ARRDC5: variants seen among roughly 807,000 people sequenced by gnomAD.
ARRDC5 encodes the protein arrestin domain-containing protein 5.
A neutral mutation model predicts 13.3 loss-of-function variants in ARRDC5; 12 were observed. The ratio of observed to expected loss-of-function variants is 0.90; its 90% confidence interval spans 0.58 to 1.46. The LOEUF (loss-of-function observed/expected upper bound fraction) is 1.46. ARRDC5 is among the 40% of genes most tolerant of loss of function. The probability of loss-of-function intolerance (pLI) is 0.00; values close to 1 mark genes in which losing one functional copy is unlikely to be tolerated. For missense variants in ARRDC5, 406 were observed against 418.7 expected, an observed-to-expected ratio of 0.97 and a Z score of 0.26; for synonymous variants, 181 against 173.4, an observed-to-expected ratio of 1.04 and a Z score of -0.34.
rs575777769 is a variant in ARRDC5 at position 4,894,510 on chromosome 19, CAAAAAAAAAA to C, written c.459+2151_459+2160del. Among the ~76,000 whole-genome samples, 12 of 27,230 alleles carry C rather than the reference CAAAAAAAAAA, an allele frequency of 4.4e-4. No homozygotes were observed. In the East Asian group the frequency reaches 5.9e-3, roughly 13 times the overall value. The allele number at this position is 27,230 out of a possible 152,430, so 17.9% of individuals were successfully genotyped here. ...TGGGCGACAGAGCGAGACTCCGTCT[CAAAAAAAAAA>C]AAAAAAAAAAAAAATTAGCCGGGCA... On this transcript the variant is annotated intron_variant, in intron 2 of 2. Coordinates refer to ENST00000650722, the MANE Select transcript of ARRDC5 (RefSeq NM_001080523.3).
At chr19:4,916,527 C>A in the ARRDC5 span, among the ~76,000 whole-genome samples, 2 of 152,144 alleles carry the variant, frequency 1.3e-5, no homozygotes, top group Admixed American at 6.6e-5. Flanking sequence ...CCCCGAAGTG[C>A]CGCTCTAGGG....
intron 1 of ARRDC5, among the ~76,000 whole-genome samples, 164 bp downstream of exon 1, chr19:4,902,409 G>A (rs1294447517): frequency 1.3e-5 from 2 of 152,138 alleles, no homozygotes; most frequent in Non-Finnish European, 2.9e-5. Context: ...TGCGTTTTGT[G>A]TATCTGATGG....
At chr19:4,911,935 G>A in the ARRDC5 span, among the ~76,000 whole-genome samples, 7 of 152,190 alleles carry the variant, frequency 4.6e-5, no homozygotes, top group Non-Finnish European at 1.0e-4. Flanking sequence ...CTGTGTTGTT[G>A]TTGGATTTTG....
At chr19:4,911,599 G>T in the ARRDC5 span, among the ~76,000 whole-genome samples, 2 of 152,178 alleles carry the variant, frequency 1.3e-5, no homozygotes, top group African/African-American at 4.8e-5. Flanking sequence ...CTGACCTGGG[G>T]CGTGTGGTCC....
chr19:4,915,013 G>A, the ARRDC5 span, among the ~76,000 whole-genome samples: 2 of 152,196 alleles, frequency 1.3e-5, no homozygotes, highest in African/African-American at 2.4e-5. Flanking sequence ...GCGGAGCAGC[G>A]TCCCTGGCCT....
intron 1 of ARRDC5, among the ~76,000 whole-genome samples, chr19:4,901,718 G>A (rs2031922022): frequency 6.6e-6 from 1 of 152,052 alleles, no homozygotes; most frequent in African/African-American, 2.4e-5. Context: ...TGTTCTGCTT[G>A]ACTGCTTAAT....
At chr19:4,892,233 G>A (rs1424441989) in intron 2 of ARRDC5, among the ~76,000 whole-genome samples, 5 of 151,548 alleles carry the variant, frequency 3.3e-5, no homozygotes, top group African/African-American at 9.7e-5. Context: ...GATTACAGGC[G>A]CACGCCACCA....
At chr19:4,904,244 T>G (rs2032014752), upstream of ARRDC5, among the ~76,000 whole-genome samples, 1 of 152,114 alleles carries the variant, frequency 6.6e-6, no homozygotes, top group Non-Finnish European at 1.5e-5. Context: ...AGTGGTGCGA[T>G]CTCGGCTCAC....
upstream of ARRDC5, among the ~76,000 whole-genome samples, chr19:4,906,282 C>G (rs2032062839): frequency 6.6e-6 from 1 of 152,162 alleles, no homozygotes; most frequent in Non-Finnish European, 1.5e-5. Flanking sequence ...CCCAGCTGGA[C>G]AATTAACCTG....
the ARRDC5 span, among the ~76,000 whole-genome samples, chr19:4,908,554 A>G: frequency 6.6e-6 from 1 of 151,412 alleles, no homozygotes; most frequent in Admixed American, 6.6e-5. Flanking sequence ...TCTGGGTTTG[A>G]CTTTCCCTCC....
intron 2 of ARRDC5, among the ~76,000 whole-genome samples, chr19:4,896,329 A>AAAAAAT (rs1371235915): frequency 2.7e-5 from 2 of 73,392 alleles, no homozygotes; most frequent in African/African-American, 1.2e-4. Flanking sequence ...AAAAAAAAAA[A>AAAAAAT]ATATATATAT....
At chr19:4,910,069 G>A in the ARRDC5 span, 1 of 156,772 alleles carries the variant, frequency 6.4e-6, no homozygotes. Flanking sequence ...GAGCCAATAA[G>A]AGGCGGCTCA....
intron 2 of ARRDC5, among the ~76,000 whole-genome samples, chr19:4,894,892 C>T (rs978574645): frequency 6.6e-6 from 1 of 152,108 alleles, no homozygotes; most frequent in Non-Finnish European, 1.5e-5. Flanking sequence ...TTTTCAGGAG[C>T]AGCTGGAGCT....
At chr19:4,913,060 C>G in the ARRDC5 span, among the ~76,000 whole-genome samples, 3 of 151,958 alleles carry the variant, frequency 2.0e-5, no homozygotes, top group Non-Finnish European at 4.4e-5. Context: ...GACCTAAAAG[C>G]TTTGTCTATA....
the ARRDC5 span, chr19:4,909,490 GGAAAAAAATCAGAGCA>G: frequency 1.5e-6 from 1 of 655,472 alleles, no homozygotes; most frequent in Non-Finnish European, 2.7e-6. Flanking sequence ...AGTTTTCGCG[GGAAAAAAATCAGAGCA>G]GCTGGCAGCG....
the ARRDC5 span, among the ~76,000 whole-genome samples, chr19:4,911,661 C>T: frequency 1.3e-5 from 2 of 152,312 alleles, no homozygotes; most frequent in African/African-American, 4.8e-5. Flanking sequence ...TCCAGCCCCT[C>T]GTTGCATTTA....
chr19:4,906,445 C>T (rs1050147680), upstream of ARRDC5, among the ~76,000 whole-genome samples: 8 of 152,176 alleles, frequency 5.3e-5, no homozygotes, highest in African/African-American at 1.9e-4. Flanking sequence ...GTGCCCCTCA[C>T]CACGTGTACA....
chr19:4,894,510 C>CAAAAAAAAAAAAAAAA (rs575777769), intron 2 of ARRDC5, among the ~76,000 whole-genome samples: 29 of 27,216 alleles, frequency 1.1e-3, no homozygotes, highest in South Asian at 2.4e-3. Context: ...GACTCCGTCT[C>CAAAAAAAAAAAAAAAA]AAAAAAAAAA....
At position 4,890,915 on chromosome 19, in the gene ARRDC5, G is replaced by A. The variant is rs1403171767; in HGVS notation, c.*131C>T. 18 of 695,444 alleles carry A rather than the reference G, an allele frequency of 2.6e-5. No individual in the cohort carries two copies. In the East Asian group the frequency reaches 4.6e-4, roughly 18 times the overall value. The allele number at this position is 695,444 out of a possible 1,614,324, so 43.1% of individuals were successfully genotyped here. ...GAGGGGAGACACAGATACCTAAACC[G>A]CTAGAGCTTGGGGAGGTTGCAGACA... is the stretch of plus-strand genomic sequence containing the variant. On this transcript the variant is annotated 3_prime_UTR_variant, in exon 3 of 3. Coordinates refer to ENST00000650722, the MANE Select transcript of ARRDC5 (RefSeq NM_001080523.3).
Sources: allele counts gnomAD v4.1 joint callset (sites outside exome capture counted in the v4.1 genomes callset), GRCh38; gene constraint gnomAD v4.1.1; transcripts MANE v1.5; gene names NCBI Gene and HGNC (gene_info 2026-07-23, HGNC 2026-07-21).